The following ZFPM2 variants were observed in gnomAD, a reference collection of about 807,000 sequenced individuals.
The protein encoded by ZFPM2 is zinc finger protein ZFPM2.
ZFPM2 carries 20 observed loss-of-function variants against 98.6 expected under a neutral mutation model. The observed-to-expected ratio is 0.20, with a 90% CI of 0.14 to 0.29. The LOEUF (loss-of-function observed/expected upper bound fraction) is 0.29, where lower values mean the gene tolerates loss of function less well. ZFPM2 is among the 10% of genes least tolerant of loss of function. ZFPM2 has a pLI of 1.00. For synonymous variants in ZFPM2, 518 were observed against 502.7 expected (o/e 1.03, Z -0.41); for missense variants, 1,310 against 1,388.6 (o/e 0.94, Z 0.90).
chr8:105,595,510 G>A lies in ZFPM2; in HGVS notation c.420+34029G>A, dbSNP rs141725042. On this transcript the variant is annotated intron_variant, in intron 4 of 7. Transcript: ENST00000407775. The stretch of plus-strand genomic sequence containing the variant: ...AGAAGGTGATTTTAAGAAGAGTTTT[G>A]AAGGATGAATTAACTCAGAAAATAA... Among the ~76,000 whole-genome samples, 309 of 152,194 alleles carry A rather than the reference G, an allele frequency of 2.0e-3. 1 individual carries two copies. Among genetic ancestry groups the A allele is most frequent in the African/African-American group, 6.8e-3 (284 of 41,558 alleles).
intron 4 of ZFPM2, among the ~76,000 whole-genome samples, chr8:105,605,272 ATCTT>A (rs1009108339): frequency 1.3e-4 from 20 of 152,150 alleles, no homozygotes; most frequent in African/African-American, 4.1e-4. Flanking sequence ...ACAATTCTGA[ATCTT>A]TCTTTCATTA....
intron 3 of ZFPM2, among the ~76,000 whole-genome samples, chr8:105,478,976 A>C (rs116128563): frequency 0.028 from 4,250 of 152,276 alleles, 183 homozygotes; most frequent in African/African-American, 0.096. Flanking sequence ...ATTTTTATTT[A>C]TTTTCTGGTT....
rs368479823 is a variant in ZFPM2, at chr8:105,801,434, A to G, written c.1352A>G (p.Asn451Ser). ...AAAAAGACTCAGCTCTTTCTCACGAACCAGAGACCAGAGATACAGCCTACA... is the reference window on the plus strand; with the variant it reads ...AAAAAGACTCAGCTCTTTCTCACGAGCCAGAGACCAGAGATACAGCCTACA... The part of the protein sequence containing the change: ...CEKKTQLFLT[N>S]QRPEIQPTTN... Residue 451 changes from asparagine (N) to serine (S), a missense_variant, in exon 8 of 8, where the codon AAC becomes AGC. Asn to Ser is a conservative substitution (Grantham distance 46). Coordinates refer to ENST00000407775, the MANE Select transcript of ZFPM2 (RefSeq NM_012082.4). 5.0e-6 allele frequency: 8 copies of G among 1,613,818 alleles called. No homozygotes were observed. Among genetic ancestry groups the G allele is most frequent in the Non-Finnish European group, 6.8e-6 (8 of 1,179,872 alleles).
chr8:105,620,107 A>C lies in ZFPM2; in HGVS notation c.421-14139A>C, dbSNP rs547161803. On this transcript the variant is annotated intron_variant, in intron 4 of 7. Coordinates refer to ENST00000407775, the MANE Select transcript of ZFPM2 (RefSeq NM_012082.4). ...TTCTAGATCCTTGAGGAATCGCCACACTGTCTTCCACAATGGTTGAACTAG... is the reference window on the plus strand; with the variant it reads ...TTCTAGATCCTTGAGGAATCGCCACCCTGTCTTCCACAATGGTTGAACTAG... 7.9e-5 allele frequency among the ~76,000 whole-genome samples: 12 copies of C among 152,306 alleles called. No homozygotes were observed. In the South Asian group the frequency reaches 2.3e-3, roughly 29 times the overall value.
intron 5 of ZFPM2, among the ~76,000 whole-genome samples, chr8:105,641,760 C>T (rs370494630): frequency 6.6e-6 from 1 of 152,052 alleles, no homozygotes; most frequent in African/African-American, 2.4e-5. Context: ...GTGAAAAATA[C>T]ATTTGTTTTT....
At chr8:105,619,324 G>A (rs994553428) in intron 4 of ZFPM2, among the ~76,000 whole-genome samples, 1 of 151,820 alleles carries the variant, frequency 6.6e-6, no homozygotes. Flanking sequence ...AAAATATAAT[G>A]AGCTTGATTA....
chr8:105,609,280 G>C (rs952163449), intron 4 of ZFPM2, among the ~76,000 whole-genome samples: 2 of 152,030 alleles, frequency 1.3e-5, no homozygotes, highest in African/African-American at 4.8e-5. Context: ...GGGAAGCCAG[G>C]ATGGAGGGAA....
At chr8:105,672,698 C>T (rs1368579347) in intron 5 of ZFPM2, among the ~76,000 whole-genome samples, 2 of 152,042 alleles carry the variant, frequency 1.3e-5, no homozygotes, top group Admixed American at 1.3e-4. Context: ...ACTAATATTG[C>T]TGATAGCAGA....
intron 2 of ZFPM2, among the ~76,000 whole-genome samples, chr8:105,440,646 G>T (rs1812218265): frequency 6.6e-6 from 1 of 152,156 alleles, no homozygotes; most frequent in Non-Finnish European, 1.5e-5. Flanking sequence ...ACAGTAGGAA[G>T]CTGTTAGCAC....
At chr8:105,330,433 T>C (rs1289239210) in intron 1 of ZFPM2, among the ~76,000 whole-genome samples, 1 of 150,494 alleles carries the variant, frequency 6.6e-6, no homozygotes, top group Admixed American at 6.7e-5. Context: ...CCGATCACCA[T>C]TTCAGCAGTA....
chr8:105,506,214 T>C (rs1813695224), intron 3 of ZFPM2, among the ~76,000 whole-genome samples: 2 of 152,298 alleles, frequency 1.3e-5, no homozygotes, highest in South Asian at 4.1e-4. Flanking sequence ...TGTAAATATA[T>C]CAATTCTGTG....
At chr8:105,692,321 G>A (rs764166696) in intron 5 of ZFPM2, among the ~76,000 whole-genome samples, 18 of 152,112 alleles carry the variant, frequency 1.2e-4, no homozygotes, top group Non-Finnish European at 2.2e-4. Context: ...GTGTTATAAT[G>A]ACTACAATGT....
At chr8:105,483,367 A>G (rs965664468) in intron 3 of ZFPM2, among the ~76,000 whole-genome samples, 3 of 151,904 alleles carry the variant, frequency 2.0e-5, no homozygotes, top group African/African-American at 4.8e-5. Context: ...AGGCGAGTGG[A>G]TTGCTTGAGG....
intron 1 of ZFPM2, among the ~76,000 whole-genome samples, chr8:105,339,957 T>C (rs1225726340): frequency 6.6e-6 from 1 of 151,926 alleles, no homozygotes; most frequent in Non-Finnish European, 1.5e-5. Flanking sequence ...AATCATAGGG[T>C]TAACTTAAGG....
intron 2 of ZFPM2, among the ~76,000 whole-genome samples, chr8:105,420,115 G>T (rs1377369896): frequency 5.3e-5 from 8 of 152,130 alleles, no homozygotes; most frequent in African/African-American, 1.9e-4. Flanking sequence ...TTTGCAGAGG[G>T]CTTGACTGGA....
chr8:105,661,666 C>G (rs191863128), intron 5 of ZFPM2, among the ~76,000 whole-genome samples: 10 of 152,128 alleles, frequency 6.6e-5, no homozygotes, highest in Admixed American at 6.5e-4. Flanking sequence ...CTCTTTTAAT[C>G]CCTGTGGGGC....
intron 4 of ZFPM2, among the ~76,000 whole-genome samples, chr8:105,632,537 A>G (rs1816773097): frequency 6.6e-6 from 1 of 152,196 alleles, no homozygotes; most frequent in African/African-American, 2.4e-5. Context: ...ATGCATCATT[A>G]GGACCTAATA....
intron 1 of ZFPM2, among the ~76,000 whole-genome samples, chr8:105,392,582 T>C (rs559568109): frequency 6.6e-6 from 1 of 152,306 alleles, no homozygotes; most frequent in African/African-American, 2.4e-5. Context: ...TTTCTGAGTA[T>C]TGTGGGCCGT....
At chr8:105,410,173 T>A (rs1811547475) in intron 1 of ZFPM2, among the ~76,000 whole-genome samples, 1 of 151,918 alleles carries the variant, frequency 6.6e-6, no homozygotes, top group South Asian at 2.1e-4. Flanking sequence ...ATGCAATGAC[T>A]AAAACCCGAT....
Sources: allele counts gnomAD v4.1 joint callset (sites outside exome capture counted in the v4.1 genomes callset), GRCh38; gene constraint gnomAD v4.1.1; transcripts MANE v1.5; gene names NCBI Gene and HGNC (gene_info 2026-07-23, HGNC 2026-07-21).